The following BAZ1A variants were observed in gnomAD, a reference collection of about 807,000 sequenced individuals.
The protein encoded by BAZ1A is bromodomain adjacent to zinc finger domain protein 1A.
A neutral mutation model predicts 185.2 loss-of-function variants in BAZ1A; 50 were observed. The observed-to-expected ratio is 0.27, with a 90% confidence interval of 0.22 to 0.34. The LOEUF is 0.34. BAZ1A is among the 10% of genes least tolerant of loss of function. The pLI, the probability that BAZ1A is intolerant of heterozygous loss-of-function variation, is 1.00. For synonymous variants in BAZ1A, 571 were observed against 615.6 expected (o/e 0.93, Z 1.07); for missense variants, 1,356 against 1,839.9 (o/e 0.74, Z 4.81).
At chr14:34,815,017 C>T (rs773199379) in intron 4 of BAZ1A, among the ~76,000 whole-genome samples, 12 of 150,152 alleles carry the variant, frequency 8.0e-5, no homozygotes, top group Admixed American at 2.0e-4. Context: ...TCAGGTAATC[C>T]ACCCACCTTG....
At chr14:34,801,416 C>G (rs935960299) in intron 7 of BAZ1A, among the ~76,000 whole-genome samples, 1 of 151,936 alleles carries the variant, frequency 6.6e-6, no homozygotes, top group South Asian at 2.1e-4. Context: ...CTCAGCCTCT[C>G]GAGTAGCTGG....
At chr14:34,872,299 T>C (rs751525038) in intron 2 of BAZ1A, among the ~76,000 whole-genome samples, 17 of 152,216 alleles carry the variant, frequency 1.1e-4, no homozygotes, top group Non-Finnish European at 2.1e-4. Flanking sequence ...AATTCCTTAA[T>C]ATTAATGGAA....
intron 3 of BAZ1A, among the ~76,000 whole-genome samples, chr14:34,848,166 TTC>T (rs2042544067): frequency 6.6e-6 from 1 of 152,136 alleles, no homozygotes; most frequent in Admixed American, 6.6e-5. Context: ...CCAGCTAATT[TTC>T]TTTTACTTCA....
At position 34,788,344 on chromosome 14, in the gene BAZ1A, C is replaced by T. The variant is rs566908363; in HGVS notation, c.1511-2123G>A. ...TTTGAGACAGGGTTTGAATCTGTTG[C>T]CCAGGCTGGAGTGCAGTGCTGCAAT... On this transcript the variant is annotated intron_variant, in intron 12 of 26. Transcript: ENST00000360310. Among the ~76,000 whole-genome samples the T allele has an allele frequency of 9.2e-5, 14 of 152,236 alleles. No individual in the cohort carries two copies. In the South Asian group the frequency reaches 1.0e-3, roughly 11 times the overall value.
intron 24 of BAZ1A, among the ~76,000 whole-genome samples, chr14:34,760,472 C>A (rs1357989259): frequency 1.4e-5 from 2 of 145,030 alleles, no homozygotes; most frequent in African/African-American, 5.0e-5. Context: ...ATCTAAAATT[C>A]TCTGAAGAAC....
chr14:34,830,168 T>C (rs574985333), intron 3 of BAZ1A, among the ~76,000 whole-genome samples: 1 of 152,284 alleles, frequency 6.6e-6, no homozygotes, highest in Admixed American at 6.5e-5. Context: ...ATAAAACATA[T>C]GTCCACACAA....
At chr14:34,846,537 C>T (rs2042515176) in intron 3 of BAZ1A, among the ~76,000 whole-genome samples, 1 of 152,306 alleles carries the variant, frequency 6.6e-6, no homozygotes, top group South Asian at 2.1e-4. Flanking sequence ...CATGCAGAAA[C>T]ATTTACAACA....
chr14:34,780,718 A>G (rs1025197878), intron 16 of BAZ1A, among the ~76,000 whole-genome samples: 5 of 152,232 alleles, frequency 3.3e-5, no homozygotes, highest in Non-Finnish European at 5.9e-5. Flanking sequence ...AGGAGAAAGC[A>G]GTAATCCAAG....
chr14:34,863,496 T>C (rs1312205390), intron 2 of BAZ1A, among the ~76,000 whole-genome samples: 1 of 151,948 alleles, frequency 6.6e-6, no homozygotes, highest in African/African-American at 2.4e-5. Context: ...TTAATAGAGA[T>C]GGGGTTTCCT....
At chr14:34,783,262 A>C (rs1880167445) in intron 15 of BAZ1A, 30 bp from the exon 16 acceptor site, 3 of 1,326,154 alleles carry the variant, frequency 2.3e-6, no homozygotes, top group South Asian at 1.2e-5. Context: ...ATGGTAGTCT[A>C]TCTGATGCAC....
chr14:34,798,037 C>T (rs12323807), intron 9 of BAZ1A, among the ~76,000 whole-genome samples: 22,118 of 152,310 alleles, frequency 0.15, 1,787 homozygotes, highest in South Asian at 0.23. Flanking sequence ...CCTGGCTCAG[C>T]GGGTCCCATG....
chr14:34,828,966 T>C (rs2042200965), intron 3 of BAZ1A, among the ~76,000 whole-genome samples: 1 of 152,206 alleles, frequency 6.6e-6, no homozygotes, highest in African/African-American at 2.4e-5. Context: ...ACCTGCTCTG[T>C]AGACATTTTG....
intron 3 of BAZ1A, among the ~76,000 whole-genome samples, chr14:34,844,621 A>T (rs932360383): frequency 5.3e-5 from 8 of 151,698 alleles, no homozygotes; most frequent in African/African-American, 1.9e-4. Flanking sequence ...TACAAAAAAA[A>T]AAAATTAAAA....
chr14:34,825,630 G>C (rs1427000800), intron 4 of BAZ1A, among the ~76,000 whole-genome samples: 1 of 151,866 alleles, frequency 6.6e-6, no homozygotes, highest in Non-Finnish European at 1.5e-5. Flanking sequence ...AAGGAAAAAA[G>C]GAAAGGATGA....
chr14:34,832,215 C>CACACACACATATATATATATATATAT, intron 3 of BAZ1A, among the ~76,000 whole-genome samples: 55 of 89,666 alleles, frequency 6.1e-4, no homozygotes, highest in African/African-American at 1.1e-3. Flanking sequence ...CACACACACA[C>CACACACACATATATATATATATATAT]ATATATATAT....
intron 25 of BAZ1A, among the ~76,000 whole-genome samples, chr14:34,757,913 A>T (rs1566542225): frequency 6.6e-6 from 1 of 150,384 alleles, no homozygotes; most frequent in Non-Finnish European, 1.5e-5. Context: ...CGCCTGGCTA[A>T]TTTTTTTGTA....
At chr14:34,788,304 A>G (rs1016021487) in intron 12 of BAZ1A, among the ~76,000 whole-genome samples, 4 of 145,456 alleles carry the variant, frequency 2.7e-5, no homozygotes, top group Non-Finnish European at 6.0e-5. Flanking sequence ...GCTCAGCCTC[A>G]TTTTTCTTTT....
At chr14:34,781,500 C>T (rs887410426) in intron 16 of BAZ1A, among the ~76,000 whole-genome samples, 20 of 150,554 alleles carry the variant, frequency 1.3e-4, no homozygotes, top group Admixed American at 1.1e-3. Flanking sequence ...TGGAGTCATA[C>T]AACATGTGAT....
intron 6 of BAZ1A, among the ~76,000 whole-genome samples, chr14:34,805,883 C>CT (rs748874302): frequency 0.025 from 3,490 of 139,248 alleles, 134 homozygotes; most frequent in African/African-American, 0.077. Flanking sequence ...CTACACATGA[C>CT]TTTTTTTTTT....
Sources: gnomAD v4.1 joint callset for allele counts (sites outside exome capture counted in the v4.1 genomes callset) on GRCh38, gnomAD v4.1.1 for gene constraint, MANE v1.5 for transcripts, NCBI Gene and HGNC (gene_info 2026-07-23, HGNC 2026-07-21) for gene names.